Variants in SPRED1 observed in about 807,000 individuals in gnomAD.
SPRED1 encodes sprouty-related, EVH1 domain-containing protein 1.
A neutral mutation model predicts 52.3 loss-of-function variants in SPRED1; 18 were observed. The ratio of observed to expected loss-of-function variants is 0.34; its 90% CI spans 0.24 to 0.51. SPRED1 has a LOEUF of 0.51. SPRED1 is among the 20% of genes least tolerant of loss of function. The pLI is 0.97. For synonymous variants in SPRED1, 155 were observed against 179.7 expected (o/e 0.86, Z 1.10); for missense variants, 485 against 551.0 (o/e 0.88, Z 1.20).
rs1302358766 is a variant in SPRED1 at position 38,351,549 on chromosome 15, T to C, written c.1220T>C (p.Leu407Pro). The C allele has an allele frequency of 6.2e-7, 1 of 1,614,188 alleles. No individual in the cohort carries two copies. Among genetic ancestry groups the C allele is most frequent in the East Asian group, 2.2e-5 (1 of 44,888 alleles). ...AAGTTCTGCTTGCGATGGTTAGCCCTGGTAGCTTTGTCTTTCATTGTACCA... is the reference window on the plus strand; with the variant it reads ...AAGTTCTGCTTGCGATGGTTAGCCCCGGTAGCTTTGTCTTTCATTGTACCA... ...DDKFCLRWLA[L>P]VALSFIVPCM... The change falls in exon 7 of 7, where the codon CTG becomes CCG. Residue 407 changes from leucine (L) to proline (P), a missense_variant. Around this residue, in one of 5 missense-constraint regions of SPRED1, gnomAD observed 205 missense variants for 245.2 expected, o/e 0.84. Coordinates refer to ENST00000299084, the MANE Select transcript of SPRED1 (RefSeq NM_152594.3).
In SPRED1 at chr15:38,356,771, C is replaced by T. The variant is rs1169054974; in HGVS notation, c.*5107C>T. On this transcript the variant is annotated 3_prime_UTR_variant, in exon 7 of 7. Coordinates refer to ENST00000299084, the MANE Select transcript of SPRED1 (RefSeq NM_152594.3). Reference sequence around the variant, plus strand: ...GATTTTTTTATATTCAAGTCAGTTTCATCGTTTTACTTAACTCGCCATATA... The same window carrying T: ...GATTTTTTTATATTCAAGTCAGTTTTATCGTTTTACTTAACTCGCCATATA... 1 of 151,852 alleles carries T rather than the reference C, an allele frequency of 6.6e-6. No individual in the cohort carries two copies. Among genetic ancestry groups the T allele is most frequent in the Non-Finnish European group, 1.5e-5 (1 of 67,926 alleles). 9.4% of individuals were successfully genotyped at this position (151,852 alleles called of 1,614,324 possible). A position where few individuals can be genotyped will look rare whatever the true frequency, so the allele number is the denominator to read the frequency against.
At chr15:38,333,710 A>G (rs991339781) in intron 4 of SPRED1, among the ~76,000 whole-genome samples, 1 of 152,136 alleles carries the variant, frequency 6.6e-6, no homozygotes, top group Non-Finnish European at 1.5e-5. Flanking sequence ...TGAGAACTGG[A>G]ACATATGTAT....
chr15:38,306,673 A>C (rs1014440099), intron 2 of SPRED1, among the ~76,000 whole-genome samples: 2 of 152,132 alleles, frequency 1.3e-5, no homozygotes, highest in African/African-American at 4.8e-5. Context: ...GCCTATTAGC[A>C]TTTCTGTTCT....
intron 4 of SPRED1, among the ~76,000 whole-genome samples, chr15:38,333,573 T>C (rs1433155511): frequency 1.3e-5 from 2 of 152,130 alleles, no homozygotes; most frequent in Admixed American, 1.3e-4. Flanking sequence ...TCCATTATAA[T>C]AGAAATTAAA....
In SPRED1 at chr15:38,277,327, C is replaced by T. The variant is rs546137501; in HGVS notation, c.33-22046C>T. On this transcript the variant is annotated intron_variant, in intron 1 of 6. Coordinates refer to ENST00000299084, the MANE Select transcript of SPRED1 (RefSeq NM_152594.3). The stretch of plus-strand genomic sequence containing the variant: ...GTTCCCTTCTTTGTGTCCATGTGTA[C>T]TCAATGTTTAGCTCCCACTTATAAG... Among the ~76,000 whole-genome samples the T allele has an allele frequency of 4.1e-4, 62 of 152,216 alleles. No homozygotes were observed. In the South Asian group the frequency reaches 4.2e-3, roughly 10 times the overall value.
chr15:38,340,754 T>G (rs755848573), intron 5 of SPRED1, among the ~76,000 whole-genome samples: 4 of 152,100 alleles, frequency 2.6e-5, no homozygotes, highest in Non-Finnish European at 5.9e-5. Context: ...CATGCTGGTC[T>G]TGAACTCCTG....
chr15:38,338,280 C>T (rs538721842), intron 4 of SPRED1, among the ~76,000 whole-genome samples: 2 of 129,386 alleles, frequency 1.5e-5, no homozygotes, highest in South Asian at 2.6e-4. Flanking sequence ...TAGGTCTTTT[C>T]TCACCCATTT....
chr15:38,314,792 A>G (rs900222090), intron 2 of SPRED1, among the ~76,000 whole-genome samples: 2 of 151,928 alleles, frequency 1.3e-5, no homozygotes, highest in Non-Finnish European at 2.9e-5. Flanking sequence ...GTGTTAAAAT[A>G]AAGTGCCATA....
At chr15:38,346,167 T>C (rs1276898714) in intron 5 of SPRED1, among the ~76,000 whole-genome samples, 1 of 152,026 alleles carries the variant, frequency 6.6e-6, no homozygotes, top group Non-Finnish European at 1.5e-5. Flanking sequence ...CAAGATTCCA[T>C]CTCATATATC....
In SPRED1 at chr15:38,253,173, C is replaced by A; in HGVS notation, c.-13C>A. On this transcript the variant is annotated 5_prime_UTR_variant, in exon 1 of 7. Coordinates refer to ENST00000299084, the MANE Select transcript of SPRED1 (RefSeq NM_152594.3). ...GCTCCTCCATCTCCAGATCGGATCA[C>A]GGTGAGGGAAAGATGAGCGAGGAGA... 6.3e-7 allele frequency: 1 copy of A among 1,577,356 alleles called. No homozygotes were observed. Among genetic ancestry groups the A allele is most frequent in the South Asian group, 1.2e-5 (1 of 86,152 alleles).
At chr15:38,331,102 T>C (rs1405464180) in intron 4 of SPRED1, among the ~76,000 whole-genome samples, 2 of 152,106 alleles carry the variant, frequency 1.3e-5, no homozygotes, top group East Asian at 1.9e-4. Context: ...AATAAAAAGC[T>C]AGGCACTTAT....
chr15:38,321,507 A>C (rs1334442238), intron 2 of SPRED1, among the ~76,000 whole-genome samples: 1 of 152,188 alleles, frequency 6.6e-6, no homozygotes, highest in South Asian at 2.1e-4. Context: ...AAAGTGGCCA[A>C]GTGTATTTGT....
At chr15:38,268,732 A>C (rs560775656) in intron 1 of SPRED1, among the ~76,000 whole-genome samples, 1 of 152,340 alleles carries the variant, frequency 6.6e-6, no homozygotes, top group South Asian at 2.1e-4. Flanking sequence ...GGTAATTAAA[A>C]GATTTTTCAC....
chr15:38,266,566 C>T (rs541273590), intron 1 of SPRED1, among the ~76,000 whole-genome samples: 9 of 152,252 alleles, frequency 5.9e-5, no homozygotes, highest in African/African-American at 1.7e-4. Context: ...TGCCTGAACC[C>T]GGGAAGCTGA....
chr15:38,301,816 A>T (rs1895153590), intron 2 of SPRED1, among the ~76,000 whole-genome samples: 2 of 152,164 alleles, frequency 1.3e-5, no homozygotes, highest in Middle Eastern at 3.4e-3. Flanking sequence ...CATTGATTTT[A>T]TTCATTGGTT....
chr15:38,255,015 T>C (rs1296721329), intron 1 of SPRED1, among the ~76,000 whole-genome samples: 3 of 152,210 alleles, frequency 2.0e-5, no homozygotes, highest in African/African-American at 7.2e-5. Flanking sequence ...GCAGTGAATA[T>C]CTCCTTGTTT....
At chr15:38,290,888 C>G (rs1300104782) in intron 1 of SPRED1, among the ~76,000 whole-genome samples, 1 of 152,118 alleles carries the variant, frequency 6.6e-6, no homozygotes, top group Non-Finnish European at 1.5e-5. Context: ...ATCATTCTGC[C>G]CTTGGCCCCT....
chr15:38,341,886 G>A (rs1445905662), intron 5 of SPRED1, among the ~76,000 whole-genome samples: 3 of 151,894 alleles, frequency 2.0e-5, no homozygotes, highest in Admixed American at 6.6e-5. Flanking sequence ...TTTATCTCTG[G>A]TAATACTTCT....
chr15:38,289,880 GTGT>G (rs1465107457), intron 1 of SPRED1, among the ~76,000 whole-genome samples: 1 of 152,156 alleles, frequency 6.6e-6, no homozygotes, highest in Admixed American at 6.5e-5. Context: ...GTATAAATTT[GTGT>G]TGTTGTAAGC....
Sources: allele counts gnomAD v4.1 joint callset (sites outside exome capture counted in the v4.1 genomes callset), GRCh38; gene constraint gnomAD v4.1.1; regional missense constraint gnomAD v4.1.1; transcripts MANE v1.5; gene names NCBI Gene and HGNC (gene_info 2026-07-23, HGNC 2026-07-21).